Variants in HTR1F observed in about 807,000 individuals in gnomAD.
The protein encoded by HTR1F is 5-hydroxytryptamine receptor 1F, also known as 5-hydroxytryptamine (serotonin) receptor 1F, G protein-coupled.
A neutral mutation model predicts 24.0 loss-of-function variants in HTR1F; 17 were observed. The observed-to-expected ratio is 0.71, with a 90% confidence interval of 0.48 to 1.06. HTR1F has a LOEUF of 1.06. Among genes scored for constraint, HTR1F ranks in the 50% least tolerant of loss-of-function variants. The pLI, the probability that HTR1F is intolerant of heterozygous loss-of-function variation, is 0.00. For synonymous variants in HTR1F, 186 were observed against 156.8 expected, an observed-to-expected ratio of 1.19 and a Z score of -1.39; for missense variants, 391 against 427.8, an observed-to-expected ratio of 0.91 and a Z score of 0.76.
intron 2 of HTR1F, among the ~76,000 whole-genome samples, chr3:87,959,006 C>T (rs1264565761): frequency 6.6e-6 from 1 of 151,662 alleles, no homozygotes; most frequent in African/African-American, 2.4e-5. Context: ...GGTAAAATCC[C>T]TGCACCCAAA....
chr3:87,805,626 T>C (rs774707688), intron 1 of HTR1F, among the ~76,000 whole-genome samples: 1 of 152,090 alleles, frequency 6.6e-6, no homozygotes, highest in Non-Finnish European at 1.5e-5. Flanking sequence ...ATCATTTCCA[T>C]GTGTTGGGAA....
intron 2 of HTR1F, among the ~76,000 whole-genome samples, chr3:87,981,561 T>C (rs1705545004): frequency 6.6e-6 from 1 of 152,188 alleles, no homozygotes; most frequent in African/African-American, 2.4e-5. Context: ...ATCTCAGGAA[T>C]AAACATCAGT....
intron 2 of HTR1F, among the ~76,000 whole-genome samples, chr3:87,947,506 C>A (rs933913986): frequency 2.0e-5 from 3 of 151,922 alleles, no homozygotes; most frequent in African/African-American, 7.3e-5. Flanking sequence ...TACATAAAGT[C>A]ATTAACATTT....
At chr3:87,884,785 C>A (rs1469896752) in intron 2 of HTR1F, among the ~76,000 whole-genome samples, 1 of 152,134 alleles carries the variant, frequency 6.6e-6, no homozygotes, top group Non-Finnish European at 1.5e-5. Flanking sequence ...ATCAATTCAA[C>A]AAGAAGAGCT....
intron 2 of HTR1F, among the ~76,000 whole-genome samples, chr3:87,978,894 A>AGGAAGGG (rs1559656008): frequency 7.8e-5 from 2 of 25,676 alleles, no homozygotes; most frequent in Non-Finnish European, 1.8e-4. Context: ...GGGAGGGAGG[A>AGGAAGGG]AGGAAGGAAG....
chr3:87,844,684 C>A lies in HTR1F; in HGVS notation c.-43+22560C>A, dbSNP rs1179889195. 2.7e-4 allele frequency among the ~76,000 whole-genome samples: 37 copies of A among 136,986 alleles called. 1 individual carries two copies. Among genetic ancestry groups the A allele is most frequent in the African/African-American group, 7.9e-4 (26 of 32,964 alleles). The allele number at this position is 136,986 out of a possible 152,430, so 89.9% of individuals were successfully genotyped here. On this transcript the variant is annotated intron_variant, in intron 2 of 2. Transcript: ENST00000319595. ...TAGGTCTAACGTTTAAGTCTTTAAT[C>A]CATCTTGAATTAATTTTTGTATAAG...
intron 2 of HTR1F, among the ~76,000 whole-genome samples, chr3:87,874,521 C>T (rs956759627): frequency 4.0e-5 from 6 of 151,882 alleles, no homozygotes; most frequent in African/African-American, 1.4e-4. Flanking sequence ...ATATCTCACA[C>T]TCATGAATTA....
chr3:87,813,458 G>A (rs1402325206), intron 1 of HTR1F, among the ~76,000 whole-genome samples: 5 of 152,156 alleles, frequency 3.3e-5, no homozygotes, highest in Non-Finnish European at 7.4e-5. Context: ...CAAGTTCATA[G>A]GTAGAAGAGA....
At position 87,966,127 on chromosome 3, in the gene HTR1F, T is replaced by C. The variant is rs143341613; in HGVS notation, c.-42-24581T>C. Among the ~76,000 whole-genome samples the C allele has an allele frequency of 4.8e-3, 729 of 152,270 alleles. 6 individuals carry two copies. Among genetic ancestry groups the C allele is most frequent in the African/African-American group, 0.017 (701 of 41,548 alleles). On this transcript the variant is annotated intron_variant, in intron 2 of 2. Transcript: ENST00000319595. ...GTCCAAGAGCAAGTCACCAGCAGAT[T>C]TGGTGTCTATGTTCCTCATAGACAG... is the stretch of plus-strand genomic sequence containing the variant.
At chr3:87,816,809 C>T (rs1419221215) in intron 1 of HTR1F, among the ~76,000 whole-genome samples, 2 of 152,004 alleles carry the variant, frequency 1.3e-5, no homozygotes, top group African/African-American at 4.8e-5. Context: ...GTTTAACTAG[C>T]AAATGAAAGT....
rs1350258303 is a variant in HTR1F at position 87,848,597 on chromosome 3, C to T, written c.-43+26473C>T. Among the ~76,000 whole-genome samples the T allele has an allele frequency of 2.0e-5, 3 of 151,760 alleles. No individual in the cohort carries two copies. In the East Asian group the frequency reaches 5.8e-4, roughly 29 times the overall value. ...GTTAGGTACAAGATGTTTAGAATTA[C>T]AAAAACAATAAAATAATCTAAATGT... On this transcript the variant is annotated intron_variant, in intron 2 of 2. Transcript: ENST00000319595.
intron 2 of HTR1F, among the ~76,000 whole-genome samples, chr3:87,981,943 T>TC (rs566702235): frequency 8.6e-5 from 13 of 151,056 alleles, no homozygotes; most frequent in Middle Eastern, 3.4e-3. Context: ...TCTTCTTTCT[T>TC]TTTTTTTTAT....
chr3:87,824,044 T>TAA (rs35672458), intron 2 of HTR1F, among the ~76,000 whole-genome samples: 95 of 135,046 alleles, frequency 7.0e-4, no homozygotes, highest in African/African-American at 2.2e-3. Flanking sequence ...AGACTCCGCC[T>TAA]AAAAAAAAAA....
intron 2 of HTR1F, among the ~76,000 whole-genome samples, chr3:87,833,900 C>T (rs1000791901): frequency 1.3e-5 from 2 of 152,104 alleles, no homozygotes; most frequent in East Asian, 1.9e-4. Context: ...AAAGTATTGA[C>T]TTCCATTTTT....
intron 2 of HTR1F, among the ~76,000 whole-genome samples, chr3:87,831,252 T>C (rs1704571158): frequency 6.6e-6 from 1 of 151,504 alleles, no homozygotes; most frequent in African/African-American, 2.4e-5. Flanking sequence ...CAAAATATTT[T>C]GGTCTACAAA....
chr3:87,903,501 G>A (rs1420986407), intron 2 of HTR1F, among the ~76,000 whole-genome samples: 2 of 151,722 alleles, frequency 1.3e-5, no homozygotes, highest in Admixed American at 1.3e-4. Context: ...AGACATTTAT[G>A]CAGCCAAAAA....
intron 2 of HTR1F, among the ~76,000 whole-genome samples, chr3:87,860,404 A>G (rs1387798899): frequency 2.0e-5 from 3 of 152,148 alleles, no homozygotes; most frequent in Non-Finnish European, 2.9e-5. Flanking sequence ...AGAGAACATT[A>G]TGTTGGGTTG....
intron 2 of HTR1F, among the ~76,000 whole-genome samples, chr3:87,912,937 C>A (rs878877395): frequency 6.6e-6 from 1 of 152,084 alleles, no homozygotes; most frequent in Admixed American, 6.6e-5. Flanking sequence ...CAAAAATCAA[C>A]TCAAGATGGA....
At chr3:87,985,941 T>C (rs1705653231) in intron 2 of HTR1F, among the ~76,000 whole-genome samples, 1 of 152,224 alleles carries the variant, frequency 6.6e-6, no homozygotes, top group Admixed American at 6.5e-5. Flanking sequence ...TTGGCAAACA[T>C]TCATGTTGAA....
Sources: allele counts gnomAD v4.1 joint callset (sites outside exome capture counted in the v4.1 genomes callset), GRCh38; gene constraint gnomAD v4.1.1; transcripts MANE v1.5; gene names NCBI Gene and HGNC (gene_info 2026-07-23, HGNC 2026-07-21).